RUNX2: variants seen among roughly 807,000 people sequenced by gnomAD.
The protein encoded by RUNX2 is RUNX family transcription factor 2, also known as runt-related transcription factor 2.
RUNX2 carries 10 observed loss-of-function variants against 51.7 expected under a neutral mutation model. The observed-to-expected ratio is 0.19, with a 90% CI of 0.12 to 0.33. The LOEUF (loss-of-function observed/expected upper bound fraction) is 0.33. Ranked by LOEUF, RUNX2 falls within the 10% of genes least tolerant of loss-of-function variation. The pLI is 1.00. For synonymous variants in RUNX2, 276 were observed against 273.6 expected, an observed-to-expected ratio of 1.01 and a Z score of -0.09; for missense variants, 562 against 691.3, an observed-to-expected ratio of 0.81 and a Z score of 2.10.
intron 6 of RUNX2, among the ~76,000 whole-genome samples, chr6:45,506,442 C>T (rs1800969367): frequency 6.6e-6 from 1 of 152,076 alleles, no homozygotes; most frequent in South Asian, 2.1e-4. Context: ...TACGTAGTGC[C>T]TCAGATTTCC....
At chr6:45,341,358 T>G (rs1377120903) in intron 2 of RUNX2, among the ~76,000 whole-genome samples, 1 of 152,158 alleles carries the variant, frequency 6.6e-6, no homozygotes, top group Non-Finnish European at 1.5e-5. Flanking sequence ...AGAAAAGCTG[T>G]TTGGGGATCT....
chr6:45,492,168 G>A (rs1380518004), intron 6 of RUNX2, 54 bp downstream of exon 6: 1 of 1,571,338 alleles, frequency 6.4e-7, no homozygotes, highest in East Asian at 2.2e-5. Context: ...CTGGGGGTGA[G>A]GGGCTACCAG....
At chr6:45,461,746 C>T (rs1799481289) in intron 5 of RUNX2, among the ~76,000 whole-genome samples, 1 of 143,570 alleles carries the variant, frequency 7.0e-6, no homozygotes, top group South Asian at 2.3e-4. Flanking sequence ...TAGAATGAGG[C>T]TTACTATTTT....
intron 7 of RUNX2, among the ~76,000 whole-genome samples, chr6:45,542,946 A>G (rs1382626361): frequency 6.6e-6 from 1 of 152,228 alleles, no homozygotes. Context: ...TTACCTAAGC[A>G]GCAAATTAAG....
chr6:45,499,657 G>A (rs540647598), intron 6 of RUNX2, among the ~76,000 whole-genome samples: 1 of 152,250 alleles, frequency 6.6e-6, no homozygotes, highest in East Asian at 1.9e-4. Flanking sequence ...GATGTTCCCA[G>A]AAAAATTATT....
chr6:45,381,611 A>G (rs986004865), intron 2 of RUNX2, among the ~76,000 whole-genome samples: 5 of 151,958 alleles, frequency 3.3e-5, no homozygotes, highest in East Asian at 1.9e-4. Context: ...AATTTTGTGT[A>G]TAGATGGGGA....
Position 45,422,396 on chromosome 6 carries a change from T to A in RUNX2, c.59-197T>A. The A allele has an allele frequency of 8.4e-6, 5 of 598,070 alleles. No individual in the cohort carries two copies. The South Asian group carries it at 9.7e-5, about 12-fold the overall frequency. The allele number at this position is 598,070 out of a possible 1,614,324, so 37.0% of individuals were successfully genotyped here. Reference sequence around the variant, plus strand: ...GACTGCGCCGCATCGCCAGACTCTGTTGGCCCATCAGACTCCGCCCGGCAG... The same window carrying A: ...GACTGCGCCGCATCGCCAGACTCTGATGGCCCATCAGACTCCGCCCGGCAG... On this transcript the variant is annotated intron_variant, in intron 2 of 8. Transcript: ENST00000647337.
At chr6:45,440,897 C>T (rs1393258461) in intron 5 of RUNX2, among the ~76,000 whole-genome samples, 11 of 152,036 alleles carry the variant, frequency 7.2e-5, no homozygotes, top group Admixed American at 2.6e-4. Flanking sequence ...TGGAGCATTT[C>T]GGATTTTCAG....
chr6:45,382,474 T>C (rs1358883554), intron 2 of RUNX2, among the ~76,000 whole-genome samples: 1 of 152,158 alleles, frequency 6.6e-6, no homozygotes. Context: ...ACTGAGAAAG[T>C]AGTATTTGAA....
intron 2 of RUNX2, among the ~76,000 whole-genome samples, chr6:45,357,240 C>A (rs916155246): frequency 6.6e-6 from 1 of 152,154 alleles, no homozygotes; most frequent in South Asian, 2.1e-4. Flanking sequence ...ATCTCCTGAC[C>A]TTCTGACCCG....
At chr6:45,523,918 G>A (rs567094042) in intron 7 of RUNX2, among the ~76,000 whole-genome samples, 4 of 151,526 alleles carry the variant, frequency 2.6e-5, no homozygotes, top group South Asian at 2.1e-4. Context: ...GCAACAGAGC[G>A]AGACTGCATC....
intron 2 of RUNX2, among the ~76,000 whole-genome samples, chr6:45,407,151 T>C (rs1797852371): frequency 6.6e-6 from 1 of 152,208 alleles, no homozygotes; most frequent in Non-Finnish European, 1.5e-5. Context: ...GGTCTCACTC[T>C]GGAGTGCAGT....
intron 6 of RUNX2, among the ~76,000 whole-genome samples, chr6:45,503,619 C>T (rs571291509): frequency 4.6e-5 from 7 of 152,324 alleles, no homozygotes; most frequent in African/African-American, 1.7e-4. Flanking sequence ...TCTCATTTCT[C>T]TCCCTCTTCT....
chr6:45,431,195 G>A (rs192625321), intron 3 of RUNX2, among the ~76,000 whole-genome samples: 1 of 152,146 alleles, frequency 6.6e-6, no homozygotes, highest in South Asian at 2.1e-4. Flanking sequence ...GAGGCTAAGG[G>A]TATATATTGT....
At chr6:45,484,019 G>T (rs553331024) in intron 5 of RUNX2, among the ~76,000 whole-genome samples, 1 of 152,192 alleles carries the variant, frequency 6.6e-6, no homozygotes, top group Admixed American at 6.5e-5. Context: ...TTTTGAGCAG[G>T]TAAGTGACAT....
At chr6:45,504,728 T>C (rs931523491) in intron 6 of RUNX2, among the ~76,000 whole-genome samples, 5 of 152,144 alleles carry the variant, frequency 3.3e-5, no homozygotes, top group African/African-American at 1.2e-4. Context: ...TAGTTTAAGA[T>C]AGGAAATGGC....
intron 5 of RUNX2, among the ~76,000 whole-genome samples, chr6:45,468,124 A>G (rs1799689729): frequency 6.6e-6 from 1 of 152,172 alleles, no homozygotes; most frequent in Non-Finnish European, 1.5e-5. Context: ...TATCATTACA[A>G]CTGCAGTCAC....
At chr6:45,377,701 G>GT (rs993895037) in intron 2 of RUNX2, 4 of 152,300 alleles carry the variant, frequency 2.6e-5, no homozygotes, top group African/African-American at 9.7e-5. Flanking sequence ...TCCGCTCTGC[G>GT]TCCCTCCCGG....
chr6:45,414,754 C>CTTTTTTTTTTTTTT (rs34672680), intron 2 of RUNX2, among the ~76,000 whole-genome samples: 4 of 33,448 alleles, frequency 1.2e-4, no homozygotes, highest in Admixed American at 6.3e-4. Flanking sequence ...CAGATCCTGG[C>CTTTTTTTTTTTTTT]TTTTTTTTTT....
Sources: gnomAD v4.1 joint callset for allele counts (sites outside exome capture counted in the v4.1 genomes callset) on GRCh38, gnomAD v4.1.1 for gene constraint, MANE v1.5 for transcripts, NCBI Gene and HGNC (gene_info 2026-07-23, HGNC 2026-07-21) for gene names.